Variants in TBC1D9 observed in about 807,000 individuals in gnomAD.
The protein encoded by TBC1D9 is TBC1 domain family member 9.
In TBC1D9, 63 loss-of-function variants were observed where a neutral mutation model predicts 132.0. The ratio of observed to expected loss-of-function variants is 0.48; its 90% CI spans 0.39 to 0.59. The LOEUF is 0.59. TBC1D9 is among the 20% of genes least tolerant of loss of function. TBC1D9 has a pLI of 0.00. For missense variants in TBC1D9, 1,261 were observed against 1,592.7 expected, an observed-to-expected ratio of 0.79 and a Z score of 3.54; for synonymous variants, 610 against 609.9, an observed-to-expected ratio of 1.00 and a Z score of 0.00.
chr4:140,724,959 G>C (rs973696625), intron 1 of TBC1D9, among the ~76,000 whole-genome samples: 2 of 152,168 alleles, frequency 1.3e-5, no homozygotes, highest in African/African-American at 4.8e-5. Context: ...CATGGTTTGT[G>C]AGCGTGCAAC....
chr4:140,704,651 C>G (rs1738123853), intron 1 of TBC1D9, among the ~76,000 whole-genome samples: 1 of 152,066 alleles, frequency 6.6e-6, no homozygotes, highest in Non-Finnish European at 1.5e-5. Flanking sequence ...TAATGGCTCA[C>G]TGAACTTTTG....
intron 1 of TBC1D9, among the ~76,000 whole-genome samples, chr4:140,729,175 G>A (rs1045544844): frequency 6.6e-6 from 1 of 152,060 alleles, no homozygotes; most frequent in Non-Finnish European, 1.5e-5. Context: ...GACATTTCAC[G>A]TTTCCCATAA....
chr4:140,693,179 TCTCAAA>T (rs1223606741), intron 2 of TBC1D9, among the ~76,000 whole-genome samples: 5 of 152,158 alleles, frequency 3.3e-5, no homozygotes, highest in Non-Finnish European at 4.4e-5. Flanking sequence ...CCCAGTCTGG[TCTCAAA>T]CTCCTGGGCT....
intron 1 of TBC1D9, among the ~76,000 whole-genome samples, chr4:140,705,512 ATGTGTGTGTGTG>A (rs139885350): frequency 3.5e-5 from 5 of 142,192 alleles, no homozygotes; most frequent in Non-Finnish European, 7.9e-5. Flanking sequence ...GGGTGTGTGC[ATGTGTGTGTGTG>A]TGTGTGTGTG....
chr4:140,638,330 G>A (rs1053662614), intron 15 of TBC1D9, among the ~76,000 whole-genome samples: 12 of 151,554 alleles, frequency 7.9e-5, no homozygotes, highest in African/African-American at 2.2e-4. Flanking sequence ...TTTTCCAAAC[G>A]AAAAAATTGT....
chr4:140,737,463 TCTCA>T (rs1470226782), intron 1 of TBC1D9, among the ~76,000 whole-genome samples: 8 of 123,004 alleles, frequency 6.5e-5, no homozygotes, highest in South Asian at 2.8e-4. Flanking sequence ...TCTCTCTCTC[TCTCA>T]CACACACATA....
chr4:140,634,006 C>T lies in TBC1D9; in HGVS notation c.2688G>A (p.Gln896=). 3 of 1,613,950 alleles carry T rather than the reference C, an allele frequency of 1.9e-6. No homozygotes were observed. The highest frequency in any genetic ancestry group is 2.5e-6 in the Non-Finnish European group (3 of 1,179,876). The part of the protein sequence containing the change: ...HSDVLASRLF[Q]LLDENGDSLI... ...AAGAGTCTCCATTTTCATCTAATAA[C>T]TGGAACAAGCGGGAGGCCAGAACGT... The change falls in exon 16 of 21, where the codon CAG becomes CAA. Residue 896 remains glutamine (Q), a synonymous_variant. Coordinates refer to ENST00000442267, the MANE Select transcript of TBC1D9 (RefSeq NM_015130.3).
At chr4:140,747,345 C>CT (rs1738852404) in intron 1 of TBC1D9, among the ~76,000 whole-genome samples, 2 of 136,436 alleles carry the variant, frequency 1.5e-5, no homozygotes, top group South Asian at 4.8e-4. Flanking sequence ...GAGAGAGACT[C>CT]TGTCAAAAAA....
At chr4:140,623,500 T>C (rs1736657331) in intron 20 of TBC1D9, among the ~76,000 whole-genome samples, 1 of 152,236 alleles carries the variant, frequency 6.6e-6, no homozygotes, top group Admixed American at 6.5e-5. Flanking sequence ...AACTTTTTTC[T>C]TGTTCTCTTT....
At position 140,694,920 on chromosome 4, in the gene TBC1D9, G is replaced by A. The variant is rs1737930732; in HGVS notation, c.241+6584C>T. Among the ~76,000 whole-genome samples the A allele has an allele frequency of 2.0e-5, 3 of 151,856 alleles. No individual in the cohort carries two copies. In the South Asian group the frequency reaches 6.2e-4, roughly 31 times the overall value. ...AAAAAAGGAGCAATTATTTTTGTTT[G>A]CTTTCTTAACTCACTGTGTTTCTAA... On this transcript the variant is annotated intron_variant, in intron 2 of 20. Coordinates refer to ENST00000442267, the MANE Select transcript of TBC1D9 (RefSeq NM_015130.3).
At chr4:140,631,769 G>A (rs973067211) in intron 16 of TBC1D9, among the ~76,000 whole-genome samples, 6 of 151,834 alleles carry the variant, frequency 4.0e-5, no homozygotes, top group Middle Eastern at 3.2e-3. Context: ...GCTAATTTTT[G>A]TATTTTTAGT....
intron 13 of TBC1D9, chr4:140,641,990 A>C: frequency 1.7e-6 from 1 of 588,216 alleles, no homozygotes; most frequent in Non-Finnish European, 3.1e-6. Context: ...GAGTCGCTGA[A>C]GGAGGAATGC....
At chr4:140,713,575 A>C (rs1738283254) in intron 1 of TBC1D9, among the ~76,000 whole-genome samples, 1 of 151,926 alleles carries the variant, frequency 6.6e-6, no homozygotes, top group Non-Finnish European at 1.5e-5. Flanking sequence ...TCTCTACAAA[A>C]AAAATATTAA....
chr4:140,704,699 G>T (rs920256827), intron 1 of TBC1D9, among the ~76,000 whole-genome samples: 2 of 152,080 alleles, frequency 1.3e-5, no homozygotes, highest in African/African-American at 4.8e-5. Context: ...CTCTGAAAAG[G>T]TCTAACCCAA....
Position 140,679,024 on chromosome 4 carries a change from A to C in TBC1D9, c.769T>G (p.Leu257Val), listed in dbSNP as rs761768300. 1.2e-6 allele frequency: 2 copies of C among 1,613,826 alleles called. No individual in the cohort carries two copies. The highest frequency in any genetic ancestry group is 1.7e-5 in the Admixed American group (1 of 59,994). Residue 257 changes from leucine to valine, a missense_variant, in exon 5 of 21, where the codon TTA becomes GTA. By Grantham distance (32) the Leu-to-Val change is conservative. Transcript: ENST00000442267. ...TCTTGTTCAAATCCCTCATTGTCTA[A>C]GAGTTGCCTCATGGCTATGTTGGCA... ...QLANIAMRQL[L>V]DNEGFEQDRS...
In TBC1D9 at chr4:140,669,047, C is replaced by A; in HGVS notation, c.1458G>T (p.Glu486Asp). ...NPKLAKEFLK[E>D]QAWKIHFAEY... The stretch of plus-strand genomic sequence containing the variant: ...CAGCAAAGTGAATCTTCCAGGCTTG[C>A]TCTTTCAGAAACTCTTTGGCCTGAA... Residue 486 changes from glutamate to aspartate, a missense_variant, in exon 9 of 21, where the codon GAG (glutamate) becomes GAT (aspartate). Around this residue, in one of 3 missense-constraint regions of TBC1D9, gnomAD observed 550 missense variants for 699.0 expected, o/e 0.79. Coordinates refer to ENST00000442267, the MANE Select transcript of TBC1D9 (RefSeq NM_015130.3). 2.5e-6 allele frequency: 4 copies of A among 1,614,018 alleles called. No individual in the cohort carries two copies. Among genetic ancestry groups the A allele is most frequent in the Non-Finnish European group, 3.4e-6 (4 of 1,179,892 alleles).
rs961740483 is a variant in TBC1D9, at chr4:140,622,650, T to A, written c.3346A>T (p.Ser1116Cys). Residue 1116 changes from serine (S) to cysteine (C), a missense_variant, in exon 21 of 21, where the codon AGC (serine) becomes TGC (cysteine). By Grantham distance (112) the Ser-to-Cys change is moderately radical (BLOSUM62 -1). Transcript: ENST00000442267. ...TGTTCCTCGCTGTCGGGGGCCAGGC[T>A]GGCCGGCAGGGGCTCAACAGACTCC... is the stretch of plus-strand genomic sequence containing the variant. The part of the protein sequence containing the change: ...VVESVEPLPA[S>C]LAPDSEEHSL... The A allele has an allele frequency of 1.3e-5, 21 of 1,610,604 alleles. No homozygotes were observed. The highest frequency in any genetic ancestry group is 1.8e-5 in the Non-Finnish European group (21 of 1,177,974).
chr4:140,650,594 G>A (rs1053554551), intron 13 of TBC1D9, among the ~76,000 whole-genome samples: 5 of 152,120 alleles, frequency 3.3e-5, no homozygotes, highest in South Asian at 2.1e-4. Context: ...GTGCAATGGC[G>A]AGATCTTGGC....
intron 2 of TBC1D9, among the ~76,000 whole-genome samples, chr4:140,696,950 A>G (rs1393585827): frequency 6.6e-6 from 1 of 152,218 alleles, no homozygotes; most frequent in Non-Finnish European, 1.5e-5. Flanking sequence ...TTTATGAAAA[A>G]TAACATTAAA....
Sources: allele counts gnomAD v4.1 joint callset (sites outside exome capture counted in the v4.1 genomes callset), GRCh38; gene constraint gnomAD v4.1.1; regional missense constraint gnomAD v4.1.1; transcripts MANE v1.5; gene names NCBI Gene and HGNC (gene_info 2026-07-23, HGNC 2026-07-21).